Variants in OSBPL3 observed in about 807,000 individuals in gnomAD.
The protein encoded by OSBPL3 is oxysterol binding protein like 3.
In OSBPL3, 65 loss-of-function variants were observed where a neutral mutation model predicts 120.1. The ratio of observed to expected loss-of-function variants is 0.54; its 90% CI spans 0.44 to 0.67. The LOEUF is 0.67. OSBPL3 is among the 30% of genes least tolerant of loss of function. The pLI is 0.00. For missense variants in OSBPL3, 1,004 were observed against 1,082.1 expected, an observed-to-expected ratio of 0.93 and a Z score of 1.01; for synonymous variants, 416 against 402.6, an observed-to-expected ratio of 1.03 and a Z score of -0.40.
intron 1 of OSBPL3, among the ~76,000 whole-genome samples, chr7:24,910,846 C>T (rs573789355): frequency 7.0e-4 from 106 of 152,306 alleles, no homozygotes; most frequent in African/African-American, 2.4e-3. Flanking sequence ...AAGCTGTGAG[C>T]TGGGTCGGGA....
At chr7:24,887,143 A>G (rs1327230796) in intron 2 of OSBPL3, among the ~76,000 whole-genome samples, 1 of 152,220 alleles carries the variant, frequency 6.6e-6, no homozygotes, top group African/African-American at 2.4e-5. Context: ...GGTTTCATAG[A>G]TCATTCTAGC....
intron 1 of OSBPL3, among the ~76,000 whole-genome samples, chr7:24,893,174 C>T (rs1805620877): frequency 6.6e-6 from 1 of 152,000 alleles, no homozygotes; most frequent in Admixed American, 6.5e-5. Flanking sequence ...AGTTGCAGAC[C>T]AATGTTCATA....
chr7:24,911,498 A>G (rs978488436), intron 1 of OSBPL3, among the ~76,000 whole-genome samples: 1 of 152,244 alleles, frequency 6.6e-6, no homozygotes, highest in African/African-American at 2.4e-5. Flanking sequence ...GTAATGCTCT[A>G]TAAGTGCTAA....
intron 1 of OSBPL3, among the ~76,000 whole-genome samples, chr7:24,905,379 T>C (rs1189186313): frequency 6.6e-6 from 1 of 152,134 alleles, no homozygotes; most frequent in Non-Finnish European, 1.5e-5. Flanking sequence ...GGGGACTGAA[T>C]GACTTCAGTC....
At chr7:24,978,785 C>G (rs1007317573) in intron 1 of OSBPL3, among the ~76,000 whole-genome samples, 3 of 152,222 alleles carry the variant, frequency 2.0e-5, no homozygotes, top group Non-Finnish European at 4.4e-5. Context: ...TAGGGGGTCT[C>G]AAGCACCTCT....
chr7:24,808,054 C>T lies in OSBPL3; in HGVS notation c.2318-1152G>A. On this transcript the variant is annotated intron_variant, in intron 20 of 22. Coordinates refer to ENST00000313367, the MANE Select transcript of OSBPL3 (RefSeq NM_015550.4). This position sits in a 1 kb window ranked among gnomAD's most constrained non-coding sequence, Gnocchi z 4.6. ...CTGGGACTACAGTAGATGCACACCA[C>T]CATGCCTGGCTAATCTTTGTATTTT... is the stretch of plus-strand genomic sequence containing the variant. Among the ~76,000 whole-genome samples, 1 of 152,296 alleles carries T rather than the reference C, an allele frequency of 6.6e-6. No individual in the cohort carries two copies. Among genetic ancestry groups the T allele is most frequent in the African/African-American group, 2.4e-5 (1 of 41,576 alleles).
At position 24,898,393 on chromosome 7, in the gene OSBPL3, T is replaced by C. The variant is rs1156590424; in HGVS notation, c.-149-5772A>G. 6.6e-6 allele frequency among the ~76,000 whole-genome samples: 1 copy of C among 152,196 alleles called. No individual in the cohort carries two copies. The highest frequency in any genetic ancestry group is 6.5e-5 in the Admixed American group (1 of 15,276). On this transcript the variant is annotated intron_variant, in intron 1 of 22. Transcript: ENST00000313367. This position sits in a 1 kb window ranked among gnomAD's most constrained non-coding sequence, Gnocchi z 4.3. ...CTGGGAGATGAGTACTAAGGCTCAG[T>C]GTCCACAGAAGTCCCTTCTTTAAAG...
At position 24,940,321 on chromosome 7, in the gene OSBPL3, T is replaced by C. The variant is rs1041914632; in HGVS notation, c.-150+39565A>G. ...AGTGGACTGTTGTGTTGAAACACAG[T>C]TGGAGAAAGAAATGAATCCTATAGA... On this transcript the variant is annotated intron_variant, in intron 1 of 22. Coordinates refer to ENST00000313367, the MANE Select transcript of OSBPL3 (RefSeq NM_015550.4). The surrounding 1 kb of genome is among the most constrained non-coding windows in gnomAD (Gnocchi z 4.4). 6.6e-6 allele frequency among the ~76,000 whole-genome samples: 1 copy of C among 151,910 alleles called. No homozygotes were observed. The highest frequency in any genetic ancestry group is 1.5e-5 in the Non-Finnish European group (1 of 67,976).
At chr7:24,943,257 C>T (rs1435533104) in intron 1 of OSBPL3, among the ~76,000 whole-genome samples, 3 of 152,290 alleles carry the variant, frequency 2.0e-5, no homozygotes, top group South Asian at 2.1e-4. Context: ...TCCATGCTGA[C>T]GAATCTGACC....
Position 24,938,157 on chromosome 7 carries a change from G to C in OSBPL3, c.-150+41729C>G, listed in dbSNP as rs1812641235. On this transcript the variant is annotated intron_variant, in intron 1 of 22. Coordinates refer to ENST00000313367, the MANE Select transcript of OSBPL3 (RefSeq NM_015550.4). The surrounding 1 kb of genome is among the most constrained non-coding windows in gnomAD (Gnocchi z 5.8). Reference sequence around the variant, plus strand: ...CTAATCACCAACCTGATGGTATTAGGAGTTGGAGCCTTTGGGCGGTGATCA... The same window carrying C: ...CTAATCACCAACCTGATGGTATTAGCAGTTGGAGCCTTTGGGCGGTGATCA... Among the ~76,000 whole-genome samples the C allele has an allele frequency of 6.6e-6, 1 of 152,190 alleles. No homozygotes were observed. Among genetic ancestry groups the C allele is most frequent in the Non-Finnish European group, 1.5e-5 (1 of 68,040 alleles).
Position 24,815,156 on chromosome 7 carries a change from T to C in OSBPL3, c.2075A>G (p.Asn692Ser), listed in dbSNP as rs1279885018. ...EWNKVTSCIH[N>S]ILSGQRWIEH... ...AATCCACCTCTGCCCGCTTAAGATG[T>C]TATGGATGCAAGAGGTCACTTTGTT... The change falls in exon 19 of 23, where the codon AAC (asparagine) becomes AGC (serine). Residue 692 changes from asparagine to serine, a missense_variant. Asn to Ser is a conservative substitution (Grantham distance 46). Coordinates refer to ENST00000313367, the MANE Select transcript of OSBPL3 (RefSeq NM_015550.4). The surrounding 1 kb of genome is among the most constrained non-coding windows in gnomAD (Gnocchi z 5.1). 3 of 1,613,510 alleles carry C rather than the reference T, an allele frequency of 1.9e-6. No homozygotes were observed. The highest frequency in any genetic ancestry group is 1.3e-5 in the African/African-American group (1 of 74,920).
intron 1 of OSBPL3, among the ~76,000 whole-genome samples, chr7:24,950,280 G>A (rs1362112203): frequency 6.6e-6 from 1 of 152,132 alleles, no homozygotes; most frequent in Non-Finnish European, 1.5e-5. Flanking sequence ...ATTGGTGAAA[G>A]CAGATCTCTA....
rs1157295647 is a variant in OSBPL3, at chr7:24,813,314, C to T, written c.2172+1745G>A. Among the ~76,000 whole-genome samples the T allele has an allele frequency of 6.6e-6, 1 of 152,188 alleles. No individual in the cohort carries two copies. The highest frequency in any genetic ancestry group is 1.5e-5 in the Non-Finnish European group (1 of 68,034). On this transcript the variant is annotated intron_variant, in intron 19 of 22. Transcript: ENST00000313367. The surrounding 1 kb of genome is among the most constrained non-coding windows in gnomAD (Gnocchi z 4.5). Reference sequence around the variant, plus strand: ...AGGCGAGTGTGGCATCCACTTGCAGCATCTCTTTCAACACCAGACATGCCC... The same window carrying T: ...AGGCGAGTGTGGCATCCACTTGCAGTATCTCTTTCAACACCAGACATGCCC...
chr7:24,875,682 C>A (rs1802742657), intron 2 of OSBPL3, among the ~76,000 whole-genome samples: 1 of 151,938 alleles, frequency 6.6e-6, no homozygotes, highest in African/African-American at 2.4e-5. Context: ...CTACACTCTC[C>A]AGCCTGGGTG....
chr7:24,814,630 A>G (rs1328565399), intron 19 of OSBPL3, among the ~76,000 whole-genome samples: 6 of 152,060 alleles, frequency 3.9e-5, no homozygotes, highest in Non-Finnish European at 7.4e-5. Flanking sequence ...TACCCATTCA[A>G]CACTAATTCC....
rs570725763 is a variant in OSBPL3 at position 24,829,772 on chromosome 7, G to GT, written c.1884+995dup. 7.9e-3 allele frequency among the ~76,000 whole-genome samples: 1,203 copies of GT among 151,712 alleles called. 17 individuals are homozygous for GT. Among genetic ancestry groups the GT allele is most frequent in the African/African-American group, 0.025 (1,050 of 41,370 alleles). ...AAATTTCTTTCTGCATATCTTAGAG[G>GT]TTTTTTTTAAAATTTCAATATGTAT... On this transcript the variant is annotated intron_variant, in intron 16 of 22. Coordinates refer to ENST00000313367, the MANE Select transcript of OSBPL3 (RefSeq NM_015550.4).
chr7:24,932,802 C>G lies in OSBPL3; in HGVS notation c.-149-40181G>C, dbSNP rs903003855. 1.3e-5 allele frequency among the ~76,000 whole-genome samples: 2 copies of G among 152,198 alleles called. No homozygotes were observed. The highest frequency in any genetic ancestry group is 4.8e-5 in the African/African-American group (2 of 41,462). On this transcript the variant is annotated intron_variant, in intron 1 of 22. Coordinates refer to ENST00000313367, the MANE Select transcript of OSBPL3 (RefSeq NM_015550.4). The surrounding 1 kb of genome is among the most constrained non-coding windows in gnomAD (Gnocchi z 5.6). Reference sequence around the variant, plus strand: ...AATGGACTAAGACAGGGGCAAAGACCAAACTGCCTTATATTCAAGCATTTG... The same window carrying G: ...AATGGACTAAGACAGGGGCAAAGACGAAACTGCCTTATATTCAAGCATTTG...
At position 24,946,127 on chromosome 7, in the gene OSBPL3, CTGTCAGCTGGGA is replaced by C. The variant is rs377045797; in HGVS notation, c.-150+33747_-150+33758del. On this transcript the variant is annotated intron_variant, in intron 1 of 22. Transcript: ENST00000313367. The surrounding 1 kb of genome is among the most constrained non-coding windows in gnomAD (Gnocchi z 4.3). Reference sequence around the variant, plus strand: ...TCCCAAGGCTGGTAGTCAATGCCGGCTGTCAGCTGGGAGCTCAGCTGGGAGCTCAGCTGGGGC... The same window carrying C: ...TCCCAAGGCTGGTAGTCAATGCCGGCGCTCAGCTGGGAGCTCAGCTGGGGC... 0.032 allele frequency among the ~76,000 whole-genome samples: 4,752 copies of C among 149,996 alleles called. 264 individuals are homozygous for C. The highest frequency in any genetic ancestry group is 0.11 in the African/African-American group (4,512 of 40,980).
chr7:24,927,279 C>T (rs1487692128), intron 1 of OSBPL3, among the ~76,000 whole-genome samples: 1 of 152,186 alleles, frequency 6.6e-6, no homozygotes, highest in African/African-American at 2.4e-5. Context: ...TTCTGAATAG[C>T]ATTTTTATAA....
Sources: allele counts gnomAD v4.1 joint callset (sites outside exome capture counted in the v4.1 genomes callset), GRCh38; gene constraint gnomAD v4.1.1; non-coding constraint Gnocchi (gnomAD v3.1); transcripts MANE v1.5; gene names NCBI Gene and HGNC (gene_info 2026-07-23, HGNC 2026-07-21).